ZNF407: variants seen among roughly 807,000 people sequenced by gnomAD.
ZNF407 encodes the protein zinc finger protein 407.
In ZNF407, 17 loss-of-function variants were observed where a neutral mutation model predicts 131.2. That is an observed-to-expected ratio of 0.13 (90% confidence interval 0.09 to 0.19). The LOEUF is 0.19. Ranked by LOEUF, ZNF407 falls within the 10% of genes least tolerant of loss-of-function variation. The probability of loss-of-function intolerance (pLI) is 1.00; values close to 1 mark genes in which losing one functional copy is unlikely to be tolerated. For missense variants in ZNF407, 2,681 were observed against 2,830.6 expected (o/e 0.95, Z 1.20); for synonymous variants, 1,156 against 1,062.0 (o/e 1.09, Z -1.72).
intron 4 of ZNF407, among the ~76,000 whole-genome samples, chr18:74,871,706 C>G (rs1213790964): frequency 3.3e-5 from 5 of 151,954 alleles, no homozygotes; most frequent in Non-Finnish European, 7.4e-5. Flanking sequence ...GAGTTTGTCT[C>G]ATATACTAAT....
chr18:74,637,198 GGCATTTCA>G (rs1026880276), intron 2 of ZNF407, among the ~76,000 whole-genome samples: 1 of 152,158 alleles, frequency 6.6e-6, no homozygotes, highest in Non-Finnish European at 1.5e-5. Flanking sequence ...AATCAATGTA[GGCATTTCA>G]GCACTTAATT....
chr18:74,784,173 G>A (rs1969661543), intron 4 of ZNF407, among the ~76,000 whole-genome samples: 2 of 152,130 alleles, frequency 1.3e-5, no homozygotes, highest in Admixed American at 6.5e-5. Flanking sequence ...AAACATTAAA[G>A]CCTTGGTTAT....
At chr18:74,767,132 G>A (rs1383492726) in intron 3 of ZNF407, among the ~76,000 whole-genome samples, 2 of 152,068 alleles carry the variant, frequency 1.3e-5, no homozygotes, top group African/African-American at 2.4e-5. Context: ...GGCTGGCCTC[G>A]ATCTCCTGAC....
intron 7 of ZNF407, among the ~76,000 whole-genome samples, chr18:74,896,150 A>G (rs930121081): frequency 6.6e-6 from 1 of 152,208 alleles, no homozygotes; most frequent in Non-Finnish European, 1.5e-5. Flanking sequence ...GGGATCCCAT[A>G]AAAATAATCA....
chr18:74,616,021 G>C (rs201711066), intron 1 of ZNF407, among the ~76,000 whole-genome samples: 1 of 152,148 alleles, frequency 6.6e-6, no homozygotes, highest in African/African-American at 2.4e-5. Flanking sequence ...GAGCCACCAA[G>C]CCCAGCCCCT....
In ZNF407 at chr18:75,001,437, C is replaced by T. The variant is rs192821660; in HGVS notation, c.5429-61713C>T. 1.8e-3 allele frequency among the ~76,000 whole-genome samples: 279 copies of T among 152,116 alleles called. 3 individuals carry two copies. The highest frequency in any genetic ancestry group is 4.5e-3 in the Admixed American group (69 of 15,268). ...CTCTGTAATTTTTATCATCACAAACCATTATTAGACAACAGTTAACAGTCC... is the reference window on the plus strand; with the variant it reads ...CTCTGTAATTTTTATCATCACAAACTATTATTAGACAACAGTTAACAGTCC... On this transcript the variant is annotated intron_variant, in intron 8 of 8. Coordinates refer to ENST00000299687, the MANE Select transcript of ZNF407 (RefSeq NM_017757.3).
In ZNF407 at chr18:74,727,715, G is replaced by A. The variant is rs548204342; in HGVS notation, c.4803-53713G>A. Reference sequence around the variant, plus strand: ...ATGAGAGCAAAGGTATATGCAGATAGCAAGTCGCCATGCGCGGCAGGTAAG... The same window carrying A: ...ATGAGAGCAAAGGTATATGCAGATAACAAGTCGCCATGCGCGGCAGGTAAG... On this transcript the variant is annotated intron_variant, in intron 3 of 8. Coordinates refer to ENST00000299687, the MANE Select transcript of ZNF407 (RefSeq NM_017757.3). Among the ~76,000 whole-genome samples the A allele has an allele frequency of 1.1e-4, 16 of 152,294 alleles. No individual in the cohort carries two copies. In the South Asian group the frequency reaches 3.3e-3, roughly 32 times the overall value.
intron 1 of ZNF407, among the ~76,000 whole-genome samples, chr18:74,599,578 A>G (rs1003928885): frequency 2.6e-5 from 4 of 152,200 alleles, no homozygotes; most frequent in Admixed American, 6.5e-5. Context: ...GCACAGTGGA[A>G]GTTACGGCTG....
At chr18:74,897,988 A>G (rs754800576) in intron 7 of ZNF407, 1 of 152,248 alleles carries the variant, frequency 6.6e-6, no homozygotes, top group African/African-American at 2.4e-5. Context: ...GAGTGCTAAG[A>G]TACTAGTTAT....
At chr18:75,062,751 T>A (rs1973652077) in intron 8 of ZNF407, 1 of 167,390 alleles carries the variant, frequency 6.0e-6, no homozygotes, top group African/African-American at 2.4e-5. Flanking sequence ...GGTTAGGAGA[T>A]ACTACTGCTG....
At chr18:74,738,586 A>G (rs1183768916) in intron 3 of ZNF407, among the ~76,000 whole-genome samples, 1 of 151,526 alleles carries the variant, frequency 6.6e-6, no homozygotes, top group African/African-American at 2.4e-5. Flanking sequence ...TGAAATACAA[A>G]AACTTAGCTG....
intron 4 of ZNF407, among the ~76,000 whole-genome samples, chr18:74,867,253 G>C (rs1971025702): frequency 6.6e-6 from 1 of 152,132 alleles, no homozygotes; most frequent in South Asian, 2.1e-4. Context: ...ACTTTGTTTA[G>C]AAAACTGCTA....
At chr18:74,718,049 G>A (rs1967937685) in intron 3 of ZNF407, among the ~76,000 whole-genome samples, 1 of 151,982 alleles carries the variant, frequency 6.6e-6, no homozygotes, top group African/African-American at 2.4e-5. Context: ...TTAACTCGGT[G>A]AATTTATTGC....
chr18:75,055,942 T>C (rs1435556451), intron 8 of ZNF407, among the ~76,000 whole-genome samples: 1 of 152,244 alleles, frequency 6.6e-6, no homozygotes, highest in Non-Finnish European at 1.5e-5. Flanking sequence ...GGAAATGGTG[T>C]GAATCTCAGC....
At chr18:74,885,984 A>C (rs1204480804) in intron 6 of ZNF407, among the ~76,000 whole-genome samples, 2 of 152,212 alleles carry the variant, frequency 1.3e-5, no homozygotes, top group Non-Finnish European at 2.9e-5. Context: ...GATAAGTTGA[A>C]AACTTTATAA....
intron 8 of ZNF407, among the ~76,000 whole-genome samples, chr18:74,936,865 CTG>C (rs1485512972): frequency 3.3e-5 from 5 of 152,142 alleles, no homozygotes; most frequent in Non-Finnish European, 1.5e-5. Context: ...CATTGAAAAG[CTG>C]AATTAATAAT....
At chr18:74,957,551 T>C (rs543531224) in intron 8 of ZNF407, among the ~76,000 whole-genome samples, 1 of 152,130 alleles carries the variant, frequency 6.6e-6, no homozygotes, top group South Asian at 2.1e-4. Flanking sequence ...AACTTGAAAA[T>C]GTCAGTTTGT....
chr18:75,054,294 T>G (rs1973536401), intron 8 of ZNF407, among the ~76,000 whole-genome samples: 1 of 152,244 alleles, frequency 6.6e-6, no homozygotes, highest in African/African-American at 2.4e-5. Context: ...ACTGTAAATT[T>G]GATTTTAATG....
chr18:74,676,308 T>G (rs1986357417), intron 3 of ZNF407, among the ~76,000 whole-genome samples: 1 of 151,972 alleles, frequency 6.6e-6, no homozygotes, highest in Non-Finnish European at 1.5e-5. Flanking sequence ...CCCAGGCTGG[T>G]CTCAAACTCC....
Sources: allele counts gnomAD v4.1 joint callset (sites outside exome capture counted in the v4.1 genomes callset), GRCh38; gene constraint gnomAD v4.1.1; transcripts MANE v1.5; gene names NCBI Gene and HGNC (gene_info 2026-07-23, HGNC 2026-07-21).